FAM222B: variants seen among roughly 807,000 people sequenced by gnomAD.
FAM222B encodes protein FAM222B.
In FAM222B, 12 loss-of-function variants were observed where a neutral mutation model predicts 38.0. The observed-to-expected ratio is 0.32, with a 90% confidence interval of 0.20 to 0.51. The LOEUF (loss-of-function observed/expected upper bound fraction) is 0.51, where lower values mean the gene tolerates loss of function less well. Ranked by LOEUF, FAM222B falls within the 20% of genes least tolerant of loss-of-function variation. FAM222B has a pLI of 0.97. For synonymous variants in FAM222B, 329 were observed against 317.2 expected, an observed-to-expected ratio of 1.04 and a Z score of -0.40; for missense variants, 716 against 754.2, an observed-to-expected ratio of 0.95 and a Z score of 0.59.
At chr17:28,848,382 G>T (rs534317406) in intron 1 of FAM222B, among the ~76,000 whole-genome samples, 1 of 152,216 alleles carries the variant, frequency 6.6e-6, no homozygotes, top group African/African-American at 2.4e-5. Flanking sequence ...GTTTGCAGTA[G>T]GGGTGTTTCT....
chr17:28,763,797 T>C (rs1007415741), intron 2 of FAM222B, among the ~76,000 whole-genome samples: 19 of 152,238 alleles, frequency 1.2e-4, no homozygotes, highest in African/African-American at 4.6e-4. Flanking sequence ...ATATTCAATA[T>C]AGTGCCTGGC....
At chr17:28,829,009 G>A (rs955149117) in intron 1 of FAM222B, among the ~76,000 whole-genome samples, 6 of 143,002 alleles carry the variant, frequency 4.2e-5, no homozygotes, top group African/African-American at 1.3e-4. Flanking sequence ...GGGTTCAAGC[G>A]ACTGTCCTGC....
chr17:28,774,988 A>C (rs934257265), intron 1 of FAM222B, among the ~76,000 whole-genome samples: 1 of 141,688 alleles, frequency 7.1e-6, no homozygotes, highest in Non-Finnish European at 1.5e-5. Flanking sequence ...AACAAACAAA[A>C]AAAATCTCAG....
At chr17:28,850,653 A>G (rs905844399) in intron 1 of FAM222B, among the ~76,000 whole-genome samples, 5 of 152,046 alleles carry the variant, frequency 3.3e-5, no homozygotes, top group Non-Finnish European at 5.9e-5. Context: ...ATTTTGAAAC[A>G]GTTTAGTCTC....
At chr17:28,818,345 G>A (rs974618274) in intron 1 of FAM222B, among the ~76,000 whole-genome samples, 5 of 152,004 alleles carry the variant, frequency 3.3e-5, no homozygotes, top group African/African-American at 7.2e-5. Context: ...GGGCTAACAC[G>A]GTGAAACCCT....
intron 1 of FAM222B, among the ~76,000 whole-genome samples, chr17:28,800,585 G>A (rs1446597175): frequency 6.6e-6 from 1 of 152,052 alleles, no homozygotes; most frequent in Non-Finnish European, 1.5e-5. Context: ...AATATATCTG[G>A]CTGAAAAAGC....
Position 28,779,464 on chromosome 17 carries a change from C to G in FAM222B, c.-40-12757G>C, listed in dbSNP as rs531931092. On this transcript the variant is annotated intron_variant, in intron 1 of 2. Transcript: ENST00000581407. ...CATCACAACAGATGCAAAAAAGCAT[C>G]TGACAGGCCGGGCGCGGTGGCTCAA... 3.3e-5 allele frequency among the ~76,000 whole-genome samples: 5 copies of G among 152,212 alleles called. No homozygotes were observed. In the East Asian group the frequency reaches 5.8e-4, roughly 18 times the overall value.
intron 2 of FAM222B, among the ~76,000 whole-genome samples, chr17:28,762,721 G>A (rs543603425): frequency 6.7e-6 from 1 of 149,612 alleles, no homozygotes; most frequent in African/African-American, 2.5e-5. Flanking sequence ...GGTGGATCAC[G>A]AGGTCAGGAG....
At chr17:28,835,538 A>G (rs997007980) in intron 1 of FAM222B, among the ~76,000 whole-genome samples, 22 of 152,224 alleles carry the variant, frequency 1.4e-4, no homozygotes, top group African/African-American at 4.8e-4. Context: ...GGTAGAAAAA[A>G]AGACATTACA....
At chr17:28,778,372 T>G (rs904839058) in intron 1 of FAM222B, among the ~76,000 whole-genome samples, 1 of 151,960 alleles carries the variant, frequency 6.6e-6, no homozygotes, top group Non-Finnish European at 1.5e-5. Flanking sequence ...CTGTGTTAGT[T>G]TGCTGAGAAT....
At chr17:28,770,027 GAACTC>G (rs1264645741) in intron 1 of FAM222B, among the ~76,000 whole-genome samples, 3 of 152,034 alleles carry the variant, frequency 2.0e-5, no homozygotes, top group Non-Finnish European at 2.9e-5. Context: ...CTGAGACCCT[GAACTC>G]AACAATTCCT....
Position 28,758,907 on chromosome 17 carries a change from C to G in FAM222B, c.1052G>C (p.Arg351Pro), listed in dbSNP as rs764115309. ...GPVNLPTGIS[R>P]VPTGYPSDLK... ...GTCGCTAGGGTAGCCAGTGGGGACG[C>G]GAGAGATGCCTGTGGGCAGGTTGAC... Residue 351 changes from arginine (R) to proline (P), a missense_variant, in exon 3 of 3, where the codon CGC (arginine) becomes CCC (proline). Arg to Pro is a moderately radical substitution (Grantham distance 103). Transcript: ENST00000581407. 1.2e-6 allele frequency: 2 copies of G among 1,609,178 alleles called. No individual in the cohort carries two copies. The highest frequency in any genetic ancestry group is 1.7e-6 in the Non-Finnish European group (2 of 1,178,226).
intron 1 of FAM222B, among the ~76,000 whole-genome samples, chr17:28,771,624 T>A (rs1193704371): frequency 6.6e-6 from 1 of 152,070 alleles, no homozygotes; most frequent in Non-Finnish European, 1.5e-5. Flanking sequence ...GAGGTTGTCG[T>A]GAGCTGAGAT....
chr17:28,775,226 C>T (rs1348549342), intron 1 of FAM222B, among the ~76,000 whole-genome samples: 1 of 151,642 alleles, frequency 6.6e-6, no homozygotes, highest in Non-Finnish European at 1.5e-5. Flanking sequence ...GTCTCCAACT[C>T]CCCACCTCGG....
chr17:28,773,066 C>T (rs1013815361), intron 1 of FAM222B, among the ~76,000 whole-genome samples: 6 of 152,060 alleles, frequency 3.9e-5, no homozygotes, highest in East Asian at 1.9e-4. Context: ...TGAGGTCCTC[C>T]GTGATTACAG....
intron 1 of FAM222B, among the ~76,000 whole-genome samples, chr17:28,838,928 G>T (rs1423744844): frequency 2.0e-5 from 3 of 151,816 alleles, no homozygotes; most frequent in African/African-American, 7.3e-5. Context: ...AATAAGGCCG[G>T]GCATGGTGGC....
intron 1 of FAM222B, among the ~76,000 whole-genome samples, chr17:28,774,471 G>A (rs1278370473): frequency 6.6e-6 from 1 of 152,150 alleles, no homozygotes; most frequent in Non-Finnish European, 1.5e-5. Context: ...GTATCACAGT[G>A]ACCACAGAAC....
chr17:28,848,926 T>G (rs1015662193), intron 1 of FAM222B: 8 of 152,122 alleles, frequency 5.3e-5, no homozygotes, highest in Non-Finnish European at 1.0e-4. Context: ...CCCCTAGTCC[T>G]GGCAGCACTG....
At chr17:28,850,145 C>T in intron 1 of FAM222B, among the ~76,000 whole-genome samples, 1 of 152,162 alleles carries the variant, frequency 6.6e-6, no homozygotes, top group East Asian at 1.9e-4. Context: ...TCACTCTCTT[C>T]TCTGCCCCAT....
Sources: gnomAD v4.1 joint callset for allele counts (sites outside exome capture counted in the v4.1 genomes callset) on GRCh38, gnomAD v4.1.1 for gene constraint, MANE v1.5 for transcripts, NCBI Gene and HGNC (gene_info 2026-07-23, HGNC 2026-07-21) for gene names.